PLCH1: variants seen among roughly 807,000 people sequenced by gnomAD.
PLCH1 encodes the protein 1-phosphatidylinositol 4,5-bisphosphate phosphodiesterase eta-1.
PLCH1 carries 60 observed loss-of-function variants against 126.7 expected under a neutral mutation model. The observed-to-expected ratio is 0.47, with a 90% CI of 0.38 to 0.59. PLCH1 has a LOEUF of 0.59. Among genes scored for constraint, PLCH1 ranks in the 20% least tolerant of loss-of-function variants. The pLI, the probability that PLCH1 is intolerant of heterozygous loss-of-function variation, is 0.00. For missense variants in PLCH1, 1,723 were observed against 2,040.0 expected (o/e 0.84, Z 2.99); for synonymous variants, 719 against 734.9 (o/e 0.98, Z 0.35).
chr3:155,600,933 A>T (rs1474630552), intron 2 of PLCH1, among the ~76,000 whole-genome samples: 1 of 152,222 alleles, frequency 6.6e-6, no homozygotes, highest in Non-Finnish European at 1.5e-5. Flanking sequence ...TAAAACTCTT[A>T]ATAGAGTCCC....
chr3:155,496,530 G>T (rs1379018923), intron 15 of PLCH1, among the ~76,000 whole-genome samples: 4 of 152,152 alleles, frequency 2.6e-5, no homozygotes, highest in African/African-American at 9.7e-5. Flanking sequence ...GGCAGGGGGA[G>T]ATGGGAGGGA....
chr3:155,537,233 A>C (rs59250227), intron 10 of PLCH1, among the ~76,000 whole-genome samples: 1 of 147,528 alleles, frequency 6.8e-6, no homozygotes, highest in Non-Finnish European at 1.5e-5. Context: ...AAAAAAAAAA[A>C]CCTAAAAGGA....
At chr3:155,626,538 G>C (rs1332209254) in intron 2 of PLCH1, among the ~76,000 whole-genome samples, 1 of 152,062 alleles carries the variant, frequency 6.6e-6, no homozygotes, top group African/African-American at 2.4e-5. Flanking sequence ...GGGAGGCCAA[G>C]GCGGGTGGTT....
chr3:155,737,889 G>A (rs1749315695), intron 1 of PLCH1, among the ~76,000 whole-genome samples: 1 of 152,128 alleles, frequency 6.6e-6, no homozygotes, highest in Non-Finnish European at 1.5e-5. Context: ...AATTGAAGAG[G>A]GAGAGAAGAG....
chr3:155,500,056 C>T (rs1344974086), intron 14 of PLCH1, among the ~76,000 whole-genome samples: 1 of 151,934 alleles, frequency 6.6e-6, no homozygotes, highest in Non-Finnish European at 1.5e-5. Flanking sequence ...ATTTATATTT[C>T]TTTGTGAAAG....
At chr3:155,614,814 C>T (rs1735580807) in intron 2 of PLCH1, among the ~76,000 whole-genome samples, 1 of 152,188 alleles carries the variant, frequency 6.6e-6, no homozygotes, top group East Asian at 1.9e-4. Flanking sequence ...AATCTAAGAC[C>T]TGAAACCATA....
intron 2 of PLCH1, among the ~76,000 whole-genome samples, chr3:155,623,944 C>CA (rs1280993504): frequency 6.6e-6 from 1 of 151,982 alleles, no homozygotes; most frequent in Non-Finnish European, 1.5e-5. Context: ...AGAGACACAA[C>CA]AAAAAAAGAA....
chr3:155,733,117 T>C (rs1748896289), intron 1 of PLCH1, among the ~76,000 whole-genome samples: 1 of 152,128 alleles, frequency 6.6e-6, no homozygotes. Context: ...GAAGAATTAA[T>C]ATTAAAATGT....
chr3:155,460,696 T>C (rs956069279), intron 21 of PLCH1, among the ~76,000 whole-genome samples: 6 of 152,160 alleles, frequency 3.9e-5, no homozygotes, highest in African/African-American at 1.4e-4. Flanking sequence ...TCCCATTGTA[T>C]CCCTAGTCAT....
At chr3:155,596,409 T>C (rs1460489125) in intron 2 of PLCH1, 31 bp from the exon 3 acceptor site, 8 of 1,596,844 alleles carry the variant, frequency 5.0e-6, no homozygotes, top group Non-Finnish European at 6.9e-6. Context: ...TATCCAGCTA[T>C]CACACAATGC....
At chr3:155,631,611 C>T (rs1484926311) in intron 2 of PLCH1, among the ~76,000 whole-genome samples, 1 of 152,200 alleles carries the variant, frequency 6.6e-6, no homozygotes, top group Middle Eastern at 3.2e-3. Context: ...ACTGATTCAG[C>T]ACTCCAATTG....
At chr3:155,546,354 A>G (rs1363536038) in intron 10 of PLCH1, among the ~76,000 whole-genome samples, 2 of 152,192 alleles carry the variant, frequency 1.3e-5, no homozygotes, top group Non-Finnish European at 2.9e-5. Context: ...CCTCTTCAAG[A>G]AGAACTACAA....
At chr3:155,452,016 T>C (rs146200956) in intron 21 of PLCH1, among the ~76,000 whole-genome samples, 8 of 152,244 alleles carry the variant, frequency 5.3e-5, no homozygotes, top group East Asian at 3.9e-4. Context: ...TCTGTCTCTC[T>C]CTCACACACA....
intron 4 of PLCH1, among the ~76,000 whole-genome samples, chr3:155,586,704 G>GA (rs1318693585): frequency 6.8e-6 from 1 of 146,468 alleles, no homozygotes; most frequent in Non-Finnish European, 1.5e-5. Context: ...TGTCTCAAAA[G>GA]AAAAAAAAGG....
At chr3:155,569,874 T>C (rs1235310362) in intron 6 of PLCH1, among the ~76,000 whole-genome samples, 1 of 152,152 alleles carries the variant, frequency 6.6e-6, no homozygotes, top group East Asian at 1.9e-4. Context: ...AAACAACTAA[T>C]TCACTGAGAT....
intron 1 of PLCH1, among the ~76,000 whole-genome samples, chr3:155,718,379 C>T (rs1181793367): frequency 6.6e-6 from 1 of 152,224 alleles, no homozygotes; most frequent in Non-Finnish European, 1.5e-5. Context: ...GCTGCTTCCA[C>T]ATTTTCAGGT....
chr3:155,658,805 C>G (rs1036022248), intron 2 of PLCH1, among the ~76,000 whole-genome samples: 1 of 152,176 alleles, frequency 6.6e-6, no homozygotes, highest in African/African-American at 2.4e-5. Context: ...ACAAGTATGC[C>G]TTTCACATTT....
chr3:155,610,848 A>G (rs1322666692), intron 2 of PLCH1, among the ~76,000 whole-genome samples: 1 of 152,186 alleles, frequency 6.6e-6, no homozygotes, highest in Non-Finnish European at 1.5e-5. Flanking sequence ...TGATGAATAT[A>G]ACAGTACATC....
intron 1 of PLCH1, among the ~76,000 whole-genome samples, chr3:155,725,585 T>C (rs948505569): frequency 4.0e-5 from 6 of 151,880 alleles, no homozygotes; most frequent in African/African-American, 7.3e-5. Context: ...GTAGCTGGGA[T>C]TACAGATGCA....
Sources: gnomAD v4.1 joint callset for allele counts (sites outside exome capture counted in the v4.1 genomes callset) on GRCh38, gnomAD v4.1.1 for gene constraint, MANE v1.5 for transcripts, NCBI Gene and HGNC (gene_info 2026-07-23, HGNC 2026-07-21) for gene names.